The following ADGRL1 variants were observed in gnomAD, a reference collection of about 807,000 sequenced individuals.
The protein encoded by ADGRL1 is adhesion G protein-coupled receptor L1, also known as CIRL-1.
Under a neutral mutation model 148.9 loss-of-function variants are expected in ADGRL1, and 31 were observed. The ratio of observed to expected loss-of-function variants is 0.21; its 90% CI spans 0.16 to 0.28. ADGRL1 has a LOEUF of 0.28. Among genes scored for constraint, ADGRL1 ranks in the 10% least tolerant of loss-of-function variants. The probability of loss-of-function intolerance (pLI) is 1.00; values close to 1 mark genes in which losing one functional copy is unlikely to be tolerated. For missense variants in ADGRL1, 1,521 were observed against 2,058.8 expected (o/e 0.74, Z 5.05); for synonymous variants, 937 against 900.3 (o/e 1.04, Z -0.73).
chr19:14,186,175 C>T (rs931096278), intron 1 of ADGRL1, among the ~76,000 whole-genome samples: 4 of 152,164 alleles, frequency 2.6e-5, no homozygotes, highest in Non-Finnish European at 4.4e-5. Flanking sequence ...CCTCCCGCCT[C>T]GGCCTCCCTA....
At chr19:14,173,143 T>C (rs895292135) in intron 3 of ADGRL1, among the ~76,000 whole-genome samples, 6 of 152,098 alleles carry the variant, frequency 3.9e-5, no homozygotes, top group Non-Finnish European at 8.8e-5. Context: ...GTATTTTTAG[T>C]AGAGATGGGG....
In ADGRL1 at chr19:14,161,566, C is replaced by T; in HGVS notation, c.1256G>A (p.Ser419Asn). The part of the protein sequence containing the change: ...TTTARPTPLT[S>N]TASPAATTPL... ...GGTGGTGGCTGCGGGCGAGGCTGTG[C>T]TGGTGAGGGGCGTGGGCCTGGCTGT... The change falls in exon 6 of 23, where the codon AGC (serine) becomes AAC (asparagine). Residue 419 changes from serine (S) to asparagine (N), a missense_variant. This residue lies in a region of ADGRL1 where 270 missense variants were observed against 320.4 expected (regional missense o/e 0.84). Transcript: ENST00000361434. The surrounding 1 kb of genome is among the most constrained non-coding windows in gnomAD (Gnocchi z 4.4). 6.9e-7 allele frequency: 1 copy of T among 1,453,500 alleles called. No individual in the cohort carries two copies. The allele number at this position is 1,453,500 out of a possible 1,614,324, so 90.0% of individuals were successfully genotyped here.
chr19:14,175,859 A>G (rs1056773055), intron 3 of ADGRL1, among the ~76,000 whole-genome samples: 2 of 151,952 alleles, frequency 1.3e-5, no homozygotes, highest in African/African-American at 2.4e-5. Flanking sequence ...GTTCAAGACC[A>G]ACCTGGCCAA....
chr19:14,187,481 C>A (rs1393920159), intron 1 of ADGRL1, among the ~76,000 whole-genome samples: 1 of 151,918 alleles, frequency 6.6e-6, no homozygotes, highest in African/African-American at 2.4e-5. Context: ...ACCCCCTCTC[C>A]AGCCCTGTAG....
At chr19:14,193,271 C>CAA (rs34844517) in intron 1 of ADGRL1, among the ~76,000 whole-genome samples, 1,132 of 48,316 alleles carry the variant, frequency 0.023, 38 homozygotes, top group African/African-American at 0.039. Context: ...CCCCCACCGC[C>CAA]AAAAAAAAAA....
intron 22 of ADGRL1, 72 bp from the exon 23 acceptor site, chr19:14,151,687 G>T: frequency 7.1e-7 from 1 of 1,410,320 alleles, no homozygotes; most frequent in Non-Finnish European, 9.5e-7. Flanking sequence ...GAGGGGGTGC[G>T]GTCCATGTGG....
In ADGRL1 at chr19:14,155,689, G is replaced by C. The variant is rs1430424595; in HGVS notation, c.3126-162C>G. On this transcript the variant is annotated intron_variant, in intron 17 of 22. Coordinates refer to ENST00000361434, the MANE Select transcript of ADGRL1 (RefSeq NM_014921.5). The surrounding 1 kb of genome is among the most constrained non-coding windows in gnomAD (Gnocchi z 5.0). ...GCCTTGGGGGCAGTGGCCTGCCCAG[G>C]ACACCTCCACCGGAGCCTGGGCCTG... 12 of 650,532 alleles carry C rather than the reference G, an allele frequency of 1.8e-5. No homozygotes were observed. The Admixed American group carries it at 3.2e-4, about 17-fold the overall frequency. The allele number at this position is 650,532 out of a possible 1,614,324, so 40.3% of individuals were successfully genotyped here. A position where few individuals can be genotyped will look rare whatever the true frequency, so the allele number is the denominator to read the frequency against.
rs759060886 is a variant in ADGRL1, at chr19:14,152,475, C to A, written c.3521-38G>T. 13 of 1,609,572 alleles carry A rather than the reference C, an allele frequency of 8.1e-6. No individual in the cohort carries two copies. Among genetic ancestry groups the A allele is most frequent in the Non-Finnish European group, 1.1e-5 (13 of 1,176,364 alleles). ...TCAGAGGTCACAAGGCAGCCGGGAG[C>A]CTCCAGAGACTGAAGCCAGAGGCAG... On this transcript the variant is annotated intron_variant, in intron 20 of 22. Transcript: ENST00000361434. The surrounding 1 kb of genome is among the most constrained non-coding windows in gnomAD (Gnocchi z 6.1).
At position 14,150,594 on chromosome 19, in the gene ADGRL1, CCCT is replaced by C; in HGVS notation, c.*276_*278del. On this transcript the variant is annotated 3_prime_UTR_variant, in exon 23 of 23. Coordinates refer to ENST00000361434, the MANE Select transcript of ADGRL1 (RefSeq NM_014921.5). The stretch of plus-strand genomic sequence containing the variant: ...AGTGGGCTGCACCCTTCCAAGTTCT[CCCT>C]CCTCACTCCCCTGGGGTCCTCTGGG... 2.1e-6 allele frequency: 1 copy of C among 467,510 alleles called. No individual in the cohort carries two copies. Among genetic ancestry groups the C allele is most frequent in the South Asian group, 3.3e-5 (1 of 29,986 alleles). 29.0% of individuals were successfully genotyped at this position (467,510 alleles called of 1,614,324 possible).
intron 1 of ADGRL1, among the ~76,000 whole-genome samples, chr19:14,192,271 C>T (rs1243760203): frequency 2.0e-5 from 3 of 151,790 alleles, no homozygotes; most frequent in Admixed American, 1.3e-4. Flanking sequence ...GACGGAGTTT[C>T]ACTCTGTCGC....
Position 14,163,610 on chromosome 19 carries a change from C to A in ADGRL1, c.395-204G>T, listed in dbSNP as rs73925768. ...TGGTGATGGGAAGGGGGTTTCCGGG[C>A]TGGGACCCGACCCCCTCCCCACGCC... On this transcript the variant is annotated intron_variant, in intron 4 of 22. Transcript: ENST00000361434. 1.0e-2 allele frequency among the ~76,000 whole-genome samples: 1,516 copies of A among 152,172 alleles called. 24 individuals are homozygous for A. Among genetic ancestry groups the A allele is most frequent in the African/African-American group, 0.034 (1,401 of 41,492 alleles).
At chr19:14,192,597 T>C (rs1465769504) in intron 1 of ADGRL1, among the ~76,000 whole-genome samples, 5 of 150,442 alleles carry the variant, frequency 3.3e-5, no homozygotes, top group South Asian at 2.1e-4. Context: ...CTGGAATGCA[T>C]TGGCGTGATC....
intron 4 of ADGRL1, chr19:14,168,663 G>A (rs1432060585): frequency 6.6e-6 from 1 of 152,102 alleles, no homozygotes; most frequent in Non-Finnish European, 1.5e-5. Flanking sequence ...TGAGCCTCTC[G>A]TCTACTTGCT....
At chr19:14,166,201 C>G (rs571762584) in intron 4 of ADGRL1, among the ~76,000 whole-genome samples, 1 of 152,006 alleles carries the variant, frequency 6.6e-6, no homozygotes, top group East Asian at 1.9e-4. Flanking sequence ...CACGCTCCCC[C>G]ACCCTTCGCT....
intron 16 of ADGRL1, among the ~76,000 whole-genome samples, 196 bp downstream of exon 16, chr19:14,156,462 C>A (rs1008101855): frequency 6.6e-6 from 1 of 151,838 alleles, no homozygotes; most frequent in East Asian, 1.9e-4. Context: ...GCCCCCCAGG[C>A]GAGCAGCCCT....
chr19:14,152,004 C>T lies in ADGRL1; in HGVS notation c.3667+129G>A, dbSNP rs1253316017. 17 of 857,840 alleles carry T rather than the reference C, an allele frequency of 2.0e-5. No homozygotes were observed. The highest frequency in any genetic ancestry group is 1.0e-4 in the African/African-American group (6 of 60,180). 53.1% of individuals were successfully genotyped at this position (857,840 alleles called of 1,614,324 possible). ...CATTCGGCTGCCAGAGGCTGTGTGTCGGGGGGTGGGGAAATGTGGGCATGG... is the reference window on the plus strand; with the variant it reads ...CATTCGGCTGCCAGAGGCTGTGTGTTGGGGGGTGGGGAAATGTGGGCATGG... On this transcript the variant is annotated intron_variant, in intron 22 of 22. Coordinates refer to ENST00000361434, the MANE Select transcript of ADGRL1 (RefSeq NM_014921.5). This position sits in a 1 kb window ranked among gnomAD's most constrained non-coding sequence, Gnocchi z 6.1.
intron 1 of ADGRL1, among the ~76,000 whole-genome samples, chr19:14,191,918 G>C (rs1046103377): frequency 1.1e-4 from 17 of 152,048 alleles, no homozygotes; most frequent in Middle Eastern, 6.8e-3. Context: ...GGCTGGTCTT[G>C]AGCTCCTGGC....
intron 4 of ADGRL1, among the ~76,000 whole-genome samples, chr19:14,166,613 GTGCCCCAGTGGGGGAGCCGGGGA>G (rs1969994771): frequency 2.0e-5 from 3 of 151,950 alleles, no homozygotes; most frequent in African/African-American, 7.3e-5. Flanking sequence ...AGCTCACCCG[GTGCCCCAGTGGGGGAGCCGGGGA>G]AGGGAGTCCC....
In ADGRL1 at chr19:14,158,412, C is replaced by T. The variant is rs1968990285; in HGVS notation, c.2290G>A (p.Ala764Thr). 8.7e-6 allele frequency: 14 copies of T among 1,613,754 alleles called. No homozygotes were observed. Among genetic ancestry groups the T allele is most frequent in the East Asian group, 2.2e-5 (1 of 44,878 alleles). Residue 764 changes from alanine to threonine, a missense_variant, in exon 12 of 23, where the codon GCA (alanine) becomes ACA (threonine). Physicochemically the swap from Ala to Thr is moderately conservative, Grantham distance 58 (BLOSUM62 0). Around this residue, in one of 8 missense-constraint regions of ADGRL1, gnomAD observed 265 missense variants for 431.9 expected, o/e 0.61. Transcript: ENST00000361434. ...CTGGACTCCTTGTTGATGGATGCTGCGATGACCTGTGAGTTCACCACTAGA... is the reference window on the plus strand; with the variant it reads ...CTGGACTCCTTGTTGATGGATGCTGTGATGACCTGTGAGTTCACCACTAGA... The part of the protein sequence containing the change: ...ASLVVNSQVI[A>T]ASINKESSRV...
Sources: allele counts gnomAD v4.1 joint callset (sites outside exome capture counted in the v4.1 genomes callset), GRCh38; gene constraint gnomAD v4.1.1; regional missense constraint gnomAD v4.1.1; non-coding constraint Gnocchi (gnomAD v3.1); transcripts MANE v1.5; gene names NCBI Gene and HGNC (gene_info 2026-07-23, HGNC 2026-07-21).